C9orf152: variants seen among roughly 807,000 people sequenced by gnomAD.
The protein encoded by C9orf152 is uncharacterized protein C9orf152.
C9orf152 carries 8 observed loss-of-function variants against 8.5 expected under a neutral mutation model. The ratio of observed to expected loss-of-function variants is 0.94; its 90% CI spans 0.55 to 1.70. The LOEUF (loss-of-function observed/expected upper bound fraction) is 1.70. Ranked by LOEUF, C9orf152 falls within the 40% of genes most tolerant of loss-of-function variation. The pLI, the probability that C9orf152 is intolerant of heterozygous loss-of-function variation, is 0.00. For synonymous variants in C9orf152, 109 were observed against 113.0 expected, an observed-to-expected ratio of 0.96 and a Z score of 0.22; for missense variants, 293 against 286.2, an observed-to-expected ratio of 1.02 and a Z score of -0.17.
rs762990490 is a variant in C9orf152, at chr9:110,207,481, T to G, written c.99A>C (p.Lys33Asn). 3 of 1,613,410 alleles carry G rather than the reference T, an allele frequency of 1.9e-6. No homozygotes were observed. The South Asian group carries it at 3.3e-5, about 18-fold the overall frequency. ...GGAACTGGATGCTGAGTGGGGGCCC[T>G]TTCCCAGGGGCCTGAGTCCTGGAGC... ...AEGSRTQAPG[K>N]GPPLSIQFLR... The change falls in exon 1 of 2, where the codon AAA becomes AAC. Residue 33 changes from lysine to asparagine, a missense_variant. Lys to Asn is a moderately conservative substitution (Grantham distance 94, BLOSUM62 0). Transcript: ENST00000400613.
intron 1 of C9orf152, among the ~76,000 whole-genome samples, chr9:110,201,777 T>C (rs746858538): frequency 3.9e-5 from 6 of 152,172 alleles, no homozygotes; most frequent in Non-Finnish European, 8.8e-5. Context: ...GCAATGAACA[T>C]TGAGACAAAA....
chr9:110,202,586 G>A (rs1458850293), intron 1 of C9orf152, among the ~76,000 whole-genome samples: 7 of 151,976 alleles, frequency 4.6e-5, no homozygotes, highest in African/African-American at 1.7e-4. Context: ...TTTCTTTCTT[G>A]GGGACTTTTT....
intron 1 of C9orf152, among the ~76,000 whole-genome samples, chr9:110,203,147 G>A (rs954286570): frequency 5.3e-5 from 8 of 150,630 alleles, no homozygotes; most frequent in Admixed American, 1.3e-4. Context: ...TCAGCCTCCC[G>A]AGTAGCTGGG....
intron 1 of C9orf152, among the ~76,000 whole-genome samples, chr9:110,203,910 C>T (rs912956378): frequency 1.3e-5 from 2 of 152,026 alleles, no homozygotes; most frequent in East Asian, 1.9e-4. Context: ...AAAGAAGAAT[C>T]GAAATTCACC....
chr9:110,203,348 C>T lies in C9orf152; in HGVS notation c.194-1874G>A, dbSNP rs113995437. Among the ~76,000 whole-genome samples the T allele has an allele frequency of 2.5e-3, 379 of 152,262 alleles. 2 individuals are homozygous for T. Among genetic ancestry groups the T allele is most frequent in the African/African-American group, 8.6e-3 (357 of 41,538 alleles). ...AAAGGAAACTTTTATAAATATCCAA[C>T]ATGTTATGTACTTATTTGAGAACAA... On this transcript the variant is annotated intron_variant, in intron 1 of 1. Coordinates refer to ENST00000400613, the MANE Select transcript of C9orf152 (RefSeq NM_001012993.3).
At chr9:110,202,530 CT>C (rs1170730450) in intron 1 of C9orf152, among the ~76,000 whole-genome samples, 1 of 152,186 alleles carries the variant, frequency 6.6e-6, no homozygotes, top group Non-Finnish European at 1.5e-5. Context: ...GCATTTACGG[CT>C]CCTCAGAACT....
At chr9:110,201,646 ATGCCCTTTTACACC>A (rs1317363824) in intron 1 of C9orf152, among the ~76,000 whole-genome samples, 172 bp from the exon 2 acceptor site, 1 of 152,156 alleles carries the variant, frequency 6.6e-6, no homozygotes, top group Non-Finnish European at 1.5e-5. Context: ...GCTCACACAC[ATGCCCTTTTACACC>A]TCACCCATAT....
chr9:110,201,059 G>A lies in C9orf152; in HGVS notation c.609C>T (p.Ser203=). The A allele has an allele frequency of 1.2e-6, 2 of 1,614,200 alleles. No individual in the cohort carries two copies. Among genetic ancestry groups the A allele is most frequent in the Non-Finnish European group, 1.7e-6 (2 of 1,180,054 alleles). The change falls in exon 2 of 2, where the codon TCC becomes TCT. Residue 203 remains serine, a synonymous_variant. Transcript: ENST00000400613. ...TGCCAGACCTGTGTGGGTTCTTTAT[G>A]GAAAGAGGACATTGAGTGCTGAATT... ...GLKFSTQCPL[S]IKNPHRSGKP...
At chr9:110,203,215 G>T (rs894511226) in intron 1 of C9orf152, among the ~76,000 whole-genome samples, 2 of 151,904 alleles carry the variant, frequency 1.3e-5, no homozygotes, top group African/African-American at 4.8e-5. Context: ...AGTAGAGACG[G>T]GGTTTCACTG....
chr9:110,204,056 T>C (rs7032652), intron 1 of C9orf152, among the ~76,000 whole-genome samples: 1 of 152,156 alleles, frequency 6.6e-6, no homozygotes, highest in Admixed American at 6.5e-5. Flanking sequence ...ATGGAGATCT[T>C]AAAAAGGGAG....
At chr9:110,206,317 G>C (rs1450667033) in intron 1 of C9orf152, among the ~76,000 whole-genome samples, 5 of 152,238 alleles carry the variant, frequency 3.3e-5, no homozygotes. Flanking sequence ...TAAGCAATTA[G>C]ATTTGTGAGT....
At position 110,208,026 on chromosome 9, in the gene C9orf152, C is replaced by G. The variant is rs981869727; in HGVS notation, c.-447G>C. 5.6e-6 allele frequency: 1 copy of G among 178,018 alleles called. No individual in the cohort carries two copies. The highest frequency in any genetic ancestry group is 1.2e-5 in the Non-Finnish European group (1 of 86,426). 11.0% of individuals were successfully genotyped at this position (178,018 alleles called of 1,614,324 possible). On this transcript the variant is annotated 5_prime_UTR_variant, in exon 1 of 2. Coordinates refer to ENST00000400613, the MANE Select transcript of C9orf152 (RefSeq NM_001012993.3). ...TGGGGGAGCAAAGAGAAAGGCAAGC[C>G]CAGCTGCTCAGAGCCCTTCAGGGGG...
chr9:110,202,058 G>A (rs192511933), intron 1 of C9orf152, among the ~76,000 whole-genome samples: 2 of 150,988 alleles, frequency 1.3e-5, no homozygotes, highest in Admixed American at 1.3e-4. Context: ...GGGGTTTTGT[G>A]TTCTGGGATT....
intron 1 of C9orf152, among the ~76,000 whole-genome samples, chr9:110,204,883 T>C (rs1837257689): frequency 6.6e-6 from 1 of 152,244 alleles, no homozygotes; most frequent in Non-Finnish European, 1.5e-5. Context: ...TTTTTGGGAC[T>C]GACTGACTTC....
At chr9:110,204,926 TTGTAGTGTA>T (rs1837258042) in intron 1 of C9orf152, among the ~76,000 whole-genome samples, 1 of 152,222 alleles carries the variant, frequency 6.6e-6, no homozygotes, top group Non-Finnish European at 1.5e-5. Flanking sequence ...TTTATCCATG[TTGTAGTGTA>T]TGGCAGAATT....
chr9:110,202,306 C>T (rs1334982840), intron 1 of C9orf152, among the ~76,000 whole-genome samples: 2 of 152,194 alleles, frequency 1.3e-5, no homozygotes, highest in Admixed American at 1.3e-4. Flanking sequence ...TGGTCTTGAA[C>T]TCCTGACCTC....
intron 1 of C9orf152, among the ~76,000 whole-genome samples, chr9:110,205,267 C>T (rs139038723): frequency 2.3e-4 from 34 of 150,498 alleles, no homozygotes; most frequent in East Asian, 1.2e-3. Context: ...CTACAAAAAG[C>T]CTTTTTCTCC....
chr9:110,204,052 A>G (rs766127742), intron 1 of C9orf152, among the ~76,000 whole-genome samples: 1 of 152,124 alleles, frequency 6.6e-6, no homozygotes, highest in Non-Finnish European at 1.5e-5. Context: ...ATAAATGGAG[A>G]TCTTAAAAAG....
At chr9:110,206,461 C>A (rs1267804501) in intron 1 of C9orf152, among the ~76,000 whole-genome samples, 1 of 152,364 alleles carries the variant, frequency 6.6e-6, no homozygotes, top group African/African-American at 2.4e-5. Context: ...AGTTTATGCC[C>A]TGCAGAGATG....
Sources: allele counts gnomAD v4.1 joint callset (sites outside exome capture counted in the v4.1 genomes callset), GRCh38; gene constraint gnomAD v4.1.1; transcripts MANE v1.5; gene names NCBI Gene and HGNC (gene_info 2026-07-23, HGNC 2026-07-21).